The following SFXN2 variants were observed in gnomAD, a reference collection of about 807,000 sequenced individuals.
The protein encoded by SFXN2 is sideroflexin-2.
SFXN2 carries 37 observed loss-of-function variants against 41.9 expected under a neutral mutation model. The observed-to-expected ratio is 0.88, with a 90% confidence interval of 0.68 to 1.16. The LOEUF is 1.16. Among genes scored for constraint, SFXN2 ranks in the 50% most tolerant of loss-of-function variants. SFXN2 has a pLI of 0.00. For synonymous variants in SFXN2, 150 were observed against 156.7 expected, an observed-to-expected ratio of 0.96 and a Z score of 0.32; for missense variants, 386 against 425.2, an observed-to-expected ratio of 0.91 and a Z score of 0.81.
chr10:102,729,318 G>T lies in SFXN2; in HGVS notation c.432-1G>T. ...TCCCAAGCATCTCTCTCCTCCCCCA[G>T]GCAGATGGCCCTTTCCTACTTCACA... On this transcript the variant is annotated splice_acceptor_variant, in intron 4 of 11. Coordinates refer to ENST00000369893, the MANE Select transcript of SFXN2 (RefSeq NM_178858.6). LOFTEE classifies it high-confidence loss of function. 1 of 1,614,106 alleles carries T rather than the reference G, an allele frequency of 6.2e-7. No individual in the cohort carries two copies. Among genetic ancestry groups the T allele is most frequent in the Non-Finnish European group, 8.5e-7 (1 of 1,179,972 alleles).
Position 102,733,604 on chromosome 10 carries a change from G to T in SFXN2, c.821+1G>T, listed in dbSNP as rs1237828231. The T allele has an allele frequency of 1.9e-6, 3 of 1,613,692 alleles. No individual in the cohort carries two copies. Among genetic ancestry groups the T allele is most frequent in the Non-Finnish European group, 1.7e-6 (2 of 1,179,668 alleles). ...TGCAGGTCATGCTGAGCGGGTGCTT[G>T]TAAGTATCATATTTTGATGATTTGG... is the stretch of plus-strand genomic sequence containing the variant. On this transcript the variant is annotated splice_donor_variant, in intron 10 of 11. Coordinates refer to ENST00000369893, the MANE Select transcript of SFXN2 (RefSeq NM_178858.6). LOFTEE classifies it high-confidence loss of function.
In SFXN2 at chr10:102,737,915, C is replaced by A; in HGVS notation, c.*153C>A. 2.0e-6 allele frequency: 1 copy of A among 493,522 alleles called. No individual in the cohort carries two copies. The allele number at this position is 493,522 out of a possible 1,614,324, so 30.6% of individuals were successfully genotyped here. On this transcript the variant is annotated 3_prime_UTR_variant, in exon 12 of 12. Coordinates refer to ENST00000369893, the MANE Select transcript of SFXN2 (RefSeq NM_178858.6). ...ACAATGAATGCCTCATACTTACACC[C>A]TGGTACTGGTTGATTGGACCTCAGG... is the stretch of plus-strand genomic sequence containing the variant.
intron 10 of SFXN2, among the ~76,000 whole-genome samples, chr10:102,733,927 G>A (rs749534265): frequency 1.1e-4 from 17 of 150,660 alleles, no homozygotes; most frequent in African/African-American, 2.9e-4. Context: ...TCGCTCTGTC[G>A]CCCAGTCTGG....
rs2064807663 is a variant in SFXN2, at chr10:102,738,339, C to G, written c.*577C>G. The G allele has an allele frequency of 6.6e-6, 1 of 152,102 alleles. No individual in the cohort carries two copies. Among genetic ancestry groups the G allele is most frequent in the Non-Finnish European group, 1.5e-5 (1 of 68,194 alleles). 9.4% of individuals were successfully genotyped at this position (152,102 alleles called of 1,614,324 possible). On this transcript the variant is annotated 3_prime_UTR_variant, in exon 12 of 12. Coordinates refer to ENST00000369893, the MANE Select transcript of SFXN2 (RefSeq NM_178858.6). ...CAAGATGGAGTCTTGCTCTGTCGCCCAGGCTGGAATGCAGTGGCGCGATCT... is the reference window on the plus strand; with the variant it reads ...CAAGATGGAGTCTTGCTCTGTCGCCGAGGCTGGAATGCAGTGGCGCGATCT...
At chr10:102,728,367 C>T (rs878891681) in intron 3 of SFXN2, 64 bp from the exon 4 acceptor site, 114 of 1,290,222 alleles carry the variant, frequency 8.8e-5, no homozygotes, top group South Asian at 5.8e-4. Context: ...CTTTGACTGG[C>T]ATACCCTCAG....
At position 102,727,138 on chromosome 10, in the gene SFXN2, T is replaced by TA. The variant is rs1212464229; in HGVS notation, c.313_314insA (p.Phe105TyrfsTer84). 8.1e-6 allele frequency: 13 copies of TA among 1,602,502 alleles called. No homozygotes were observed. The highest frequency in any genetic ancestry group is 1.3e-5 in the African/African-American group (1 of 74,708). On this transcript the variant is annotated frameshift_variant, in exon 3 of 12. Transcript: ENST00000369893. LOFTEE classifies it high-confidence loss of function. ...TCCTGGCGGCATGATCATCACGGGC[T>TA]TCATGCTCCAGTTCTACAGGTGGGA...
At chr10:102,731,656 C>A in intron 6 of SFXN2, 67 bp from the exon 7 acceptor site, 1 of 1,425,610 alleles carries the variant, frequency 7.0e-7, no homozygotes, top group African/African-American at 1.4e-5. Flanking sequence ...GGTCCCCTGG[C>A]ATGTCATGTG....
Position 102,729,745 on chromosome 10 carries a change from G to A in SFXN2, c.530G>A (p.Arg177His), listed in dbSNP as rs749839106. 7 of 1,613,926 alleles carry A rather than the reference G, an allele frequency of 4.3e-6. No individual in the cohort carries two copies. Among genetic ancestry groups the A allele is most frequent in the Middle Eastern group, 1.6e-4 (1 of 6,062 alleles). ...LTKKAPPLVG[R>H]WVPFAAVAAA... Reference sequence around the variant, plus strand: ...CAGAAAGCGCCGCCCTTGGTGGGCCGCTGGGTGCCCTTTGCCGCTGTGGCT... The same window carrying A: ...CAGAAAGCGCCGCCCTTGGTGGGCCACTGGGTGCCCTTTGCCGCTGTGGCT... The change falls in exon 6 of 12, where the codon CGC (arginine) becomes CAC (histidine). Residue 177 changes from arginine (R) to histidine (H), a missense_variant. Physicochemically the swap from Arg to His is conservative, Grantham distance 29. Transcript: ENST00000369893.
At chr10:102,730,688 C>T (rs746127722) in intron 6 of SFXN2, among the ~76,000 whole-genome samples, 22 of 152,214 alleles carry the variant, frequency 1.4e-4, no homozygotes, top group South Asian at 8.3e-4. Context: ...CGGTGGCTCA[C>T]GCCTGTAATC....
chr10:102,722,649 C>G (rs574129732), intron 1 of SFXN2, among the ~76,000 whole-genome samples: 43 of 152,016 alleles, frequency 2.8e-4, no homozygotes, highest in Admixed American at 1.2e-3. Flanking sequence ...CAAGCAGTCC[C>G]CGCACCTCAG....
At chr10:102,720,313 A>C (rs1184634236) in intron 1 of SFXN2, among the ~76,000 whole-genome samples, 5 of 150,502 alleles carry the variant, frequency 3.3e-5, no homozygotes, top group African/African-American at 9.8e-5. Flanking sequence ...AAAAAAAAAA[A>C]AAAACCCATG....
In SFXN2 at chr10:102,738,732, C is replaced by T. The variant is rs963271663; in HGVS notation, c.*970C>T. ...TCATGTCTGAACCTATTCTTGGAAT[C>T]TTCTCTATAATAAGGGAAGTTCTCT... On this transcript the variant is annotated 3_prime_UTR_variant, in exon 12 of 12. Coordinates refer to ENST00000369893, the MANE Select transcript of SFXN2 (RefSeq NM_178858.6). 2 of 152,316 alleles carry T rather than the reference C, an allele frequency of 1.3e-5. No individual in the cohort carries two copies. The highest frequency in any genetic ancestry group is 2.9e-5 in the Non-Finnish European group (2 of 68,034). The allele number at this position is 152,316 out of a possible 1,614,324, so 9.4% of individuals were successfully genotyped here.
chr10:102,729,597 C>T, intron 5 of SFXN2, 126 bp from the exon 6 acceptor site: 1 of 1,161,204 alleles, frequency 8.6e-7, no homozygotes. Flanking sequence ...GGTTCCCAGA[C>T]TGGGTGTCTG....
intron 1 of SFXN2, among the ~76,000 whole-genome samples, chr10:102,722,735 G>T (rs2064526267): frequency 6.6e-6 from 1 of 151,792 alleles, no homozygotes; most frequent in African/African-American, 2.4e-5. Context: ...TTTTTATAGA[G>T]ACAGGGTCTC....
At chr10:102,717,438 A>G (rs928706247) in intron 1 of SFXN2, among the ~76,000 whole-genome samples, 4 of 152,136 alleles carry the variant, frequency 2.6e-5, no homozygotes, top group Non-Finnish European at 5.9e-5. Context: ...TCAAGCTGTG[A>G]CATTCTCTAA....
At position 102,728,521 on chromosome 10, in the gene SFXN2, A is replaced by C. The variant is rs149583514; in HGVS notation, c.423A>C (p.Thr141=). The change falls in exon 4 of 12, where the codon ACA becomes ACC. Residue 141 remains threonine, a synonymous_variant. Transcript: ENST00000369893. ...NYTNRNAASP[T]SVRQMALSYF... ...CCAACAGGAATGCGGCTTCCCCCAC[A>C]TCAGTCAGGTAGGAGACCTGAACCC... 202 of 1,613,748 alleles carry C rather than the reference A, an allele frequency of 1.3e-4. 1 individual carries two copies. The African/African-American group carries it at 2.3e-3, about 18-fold the overall frequency.
At chr10:102,715,302 T>G (rs2064392563) in intron 1 of SFXN2, 1 of 153,498 alleles carries the variant, frequency 6.5e-6, no homozygotes, top group East Asian at 1.9e-4. Context: ...CCTCCCAAAG[T>G]GCTGAGACTA....
intron 10 of SFXN2, among the ~76,000 whole-genome samples, chr10:102,735,424 C>T (rs1488399010): frequency 4.6e-5 from 7 of 150,568 alleles, no homozygotes; most frequent in Non-Finnish European, 1.0e-4. Context: ...CCATGTCGCT[C>T]CTCCCCCTCC....
intron 1 of SFXN2, among the ~76,000 whole-genome samples, chr10:102,719,088 T>C (rs2064463252): frequency 6.6e-6 from 1 of 151,386 alleles, no homozygotes; most frequent in African/African-American, 2.4e-5. Context: ...CACGCCCGGC[T>C]AATTTTTTGT....
Sources: allele counts gnomAD v4.1 joint callset (sites outside exome capture counted in the v4.1 genomes callset), GRCh38; gene constraint gnomAD v4.1.1; transcripts MANE v1.5; gene names NCBI Gene and HGNC (gene_info 2026-07-23, HGNC 2026-07-21).